The following PARD3B variants were observed in gnomAD, a reference collection of about 807,000 sequenced individuals.
PARD3B encodes the protein partitioning defective 3 homolog B.
In PARD3B, 103 loss-of-function variants were observed where a neutral mutation model predicts 130.2. The observed-to-expected ratio is 0.79, with a 90% CI of 0.67 to 0.93. The LOEUF is 0.93. Among genes scored for constraint, PARD3B ranks in the 40% least tolerant of loss-of-function variants. PARD3B has a pLI of 0.00. For missense variants in PARD3B, 1,609 were observed against 1,499.2 expected, an observed-to-expected ratio of 1.07 and a Z score of -1.21; for synonymous variants, 583 against 553.2, an observed-to-expected ratio of 1.05 and a Z score of -0.76.
chr2:205,027,534 T>C (rs1037122777), intron 3 of PARD3B, among the ~76,000 whole-genome samples: 1 of 152,128 alleles, frequency 6.6e-6, no homozygotes, highest in Non-Finnish European at 1.5e-5. Flanking sequence ...TGTGGATTTT[T>C]TTTTCCTTTG....
At chr2:204,553,354 A>G (rs188472807) in intron 1 of PARD3B, among the ~76,000 whole-genome samples, 87 of 152,084 alleles carry the variant, frequency 5.7e-4, no homozygotes, top group African/African-American at 2.0e-3. Context: ...TTCCTTAAAG[A>G]ACTAAAAGTA....
intron 18 of PARD3B, among the ~76,000 whole-genome samples, chr2:205,357,928 A>G (rs1299433551): frequency 1.3e-5 from 2 of 152,230 alleles, no homozygotes; most frequent in Non-Finnish European, 2.9e-5. Context: ...AGGGATCTCC[A>G]TAACCATTTG....
chr2:205,020,309 C>A (rs1696498320), intron 3 of PARD3B, among the ~76,000 whole-genome samples: 1 of 152,068 alleles, frequency 6.6e-6, no homozygotes, highest in African/African-American at 2.4e-5. Flanking sequence ...CTTAGTGATA[C>A]AATTATCTTG....
intron 1 of PARD3B, among the ~76,000 whole-genome samples, chr2:204,620,032 C>T (rs1171355172): frequency 6.6e-6 from 1 of 152,106 alleles, no homozygotes; most frequent in African/African-American, 2.4e-5. Flanking sequence ...GATGGAATCT[C>T]GCTCTGTCAC....
intron 4 of PARD3B, among the ~76,000 whole-genome samples, chr2:205,054,423 TATATATATA>T (rs1441007550): frequency 9.9e-4 from 21 of 21,202 alleles, no homozygotes; most frequent in African/African-American, 3.4e-3. Flanking sequence ...TATATATATA[TATATATATA>T]TATATTTTTT....
chr2:204,739,939 C>T (rs13387671), intron 2 of PARD3B, among the ~76,000 whole-genome samples: 2,977 of 146,826 alleles, frequency 0.02, 49 homozygotes, highest in South Asian at 0.068. Context: ...TACAATGCCC[C>T]TTTTTTTTTT....
At chr2:205,358,555 C>T (rs2044278120) in intron 18 of PARD3B, among the ~76,000 whole-genome samples, 1 of 152,208 alleles carries the variant, frequency 6.6e-6, no homozygotes, top group Admixed American at 6.5e-5. Context: ...ATATCTGCCC[C>T]AAGGGGCGTG....
At chr2:205,104,284 C>T in intron 4 of PARD3B, 142 bp from the exon 5 acceptor site, 1 of 608,472 alleles carries the variant, frequency 1.6e-6, no homozygotes, top group East Asian at 2.6e-5. Flanking sequence ...AGATTAACAC[C>T]TGCTTCCAGT....
At chr2:205,522,672 T>G (rs4673334) in intron 21 of PARD3B, among the ~76,000 whole-genome samples, 60,599 of 151,928 alleles carry the variant, frequency 0.4, 12,567 homozygotes, top group Admixed American at 0.5. Flanking sequence ...ACTGGCACAC[T>G]AGTAGATGAT....
At chr2:204,977,681 G>A (rs912559727) in intron 3 of PARD3B, among the ~76,000 whole-genome samples, 12 of 151,916 alleles carry the variant, frequency 7.9e-5, no homozygotes, top group East Asian at 7.8e-4. Context: ...GCATGGTGGC[G>A]GGCGCCTGTA....
At chr2:205,493,337 G>A (rs1269095838) in intron 20 of PARD3B, among the ~76,000 whole-genome samples, 2 of 152,100 alleles carry the variant, frequency 1.3e-5, no homozygotes. Flanking sequence ...CACTCCCCCT[G>A]TGGAAGAAGT....
At chr2:204,746,924 G>A (rs1357805047) in intron 2 of PARD3B, among the ~76,000 whole-genome samples, 5 of 152,100 alleles carry the variant, frequency 3.3e-5, no homozygotes, top group African/African-American at 9.7e-5. Context: ...TCATTCTGTA[G>A]GTTGCCTGTT....
chr2:204,580,403 C>G (rs1267017474), intron 1 of PARD3B, among the ~76,000 whole-genome samples: 3 of 152,150 alleles, frequency 2.0e-5, no homozygotes, highest in Non-Finnish European at 4.4e-5. Context: ...TGCCCAGGGT[C>G]ACACTGGAGC....
At chr2:204,654,285 A>C (rs2035576249) in intron 1 of PARD3B, among the ~76,000 whole-genome samples, 1 of 151,268 alleles carries the variant, frequency 6.6e-6, no homozygotes, top group African/African-American at 2.5e-5. Context: ...GGATCGTGAC[A>C]ACCTAATGCA....
At chr2:205,139,058 G>A (rs140152747) in intron 10 of PARD3B, among the ~76,000 whole-genome samples, 1 of 152,164 alleles carries the variant, frequency 6.6e-6, no homozygotes, top group Non-Finnish European at 1.5e-5. Context: ...CATAGAACAT[G>A]GTTAACTATA....
At chr2:205,222,592 A>T (rs956976893) in intron 15 of PARD3B, among the ~76,000 whole-genome samples, 9 of 152,234 alleles carry the variant, frequency 5.9e-5, no homozygotes, top group African/African-American at 2.2e-4. Flanking sequence ...CATACATTAT[A>T]AATAGTGGAA....
rs59814500 is a variant in PARD3B, at chr2:205,309,893, C to CATCTATCTATCT, written c.2630+8216_2630+8227dup. Reference sequence around the variant, plus strand: ...AACTTGATAGACATTACTTCTTATCCATCTATCTATCTATCTATCTATCTA... The same window carrying CATCTATCTATCT: ...AACTTGATAGACATTACTTCTTATCCATCTATCTATCTATCTATCTATCTATCTATCTATCTA... On this transcript the variant is annotated intron_variant, in intron 18 of 22. Transcript: ENST00000406610. The surrounding 1 kb of genome is among the most constrained non-coding windows in gnomAD (Gnocchi z 4.7). 1.0e-4 allele frequency among the ~76,000 whole-genome samples: 15 copies of CATCTATCTATCT among 150,676 alleles called. No individual in the cohort carries two copies. Among genetic ancestry groups the CATCTATCTATCT allele is most frequent in the East Asian group, 2.0e-4 (1 of 5,074 alleles).
At chr2:205,409,432 T>G (rs1011471934) in intron 19 of PARD3B, among the ~76,000 whole-genome samples, 55 of 152,264 alleles carry the variant, frequency 3.6e-4, no homozygotes, top group African/African-American at 1.3e-3. Flanking sequence ...ATCTTTACAT[T>G]TATTTGATCT....
At chr2:205,279,688 T>C (rs1168423104) in intron 16 of PARD3B, among the ~76,000 whole-genome samples, 2 of 151,760 alleles carry the variant, frequency 1.3e-5, no homozygotes, top group Non-Finnish European at 2.9e-5. Flanking sequence ...CATGCAGGAG[T>C]CTCCAAGCGG....
Sources: allele counts gnomAD v4.1 joint callset (sites outside exome capture counted in the v4.1 genomes callset), GRCh38; gene constraint gnomAD v4.1.1; non-coding constraint Gnocchi (gnomAD v3.1); transcripts MANE v1.5; gene names NCBI Gene and HGNC (gene_info 2026-07-23, HGNC 2026-07-21).